Variants in ACVR1C observed in about 807,000 individuals in gnomAD.
ACVR1C encodes the protein activin A receptor type 1C.
Under a neutral mutation model 57.9 loss-of-function variants are expected in ACVR1C, and 23 were observed. That is an observed-to-expected ratio of 0.40 (90% CI 0.29 to 0.56). The LOEUF is 0.56. Ranked by LOEUF, ACVR1C falls within the 20% of genes least tolerant of loss-of-function variation. The probability of loss-of-function intolerance (pLI) is 0.50; values close to 1 mark genes in which losing one functional copy is unlikely to be tolerated. For missense variants in ACVR1C, 480 were observed against 607.9 expected, an observed-to-expected ratio of 0.79 and a Z score of 2.21; for synonymous variants, 214 against 215.3, an observed-to-expected ratio of 0.99 and a Z score of 0.05.
intron 1 of ACVR1C, among the ~76,000 whole-genome samples, chr2:157,592,257 T>C (rs1184390107): frequency 6.6e-6 from 1 of 152,106 alleles, no homozygotes; most frequent in African/African-American, 2.4e-5. Context: ...AATCTGATAC[T>C]TTCTCTTTGA....
chr2:157,588,331 T>C (rs568005513), intron 1 of ACVR1C, among the ~76,000 whole-genome samples: 56 of 152,076 alleles, frequency 3.7e-4, no homozygotes, highest in African/African-American at 1.3e-3. Flanking sequence ...TGTAAAACAT[T>C]CGTCAGCATG....
intron 4 of ACVR1C, among the ~76,000 whole-genome samples, chr2:157,548,758 CT>C (rs1376173244): frequency 3.3e-5 from 5 of 152,302 alleles, no homozygotes; most frequent in African/African-American, 1.2e-4. Context: ...CTCTGACTTG[CT>C]CCATGAAACT....
At chr2:157,588,387 ATT>A (rs1261373725) in intron 1 of ACVR1C, among the ~76,000 whole-genome samples, 1 of 151,958 alleles carries the variant, frequency 6.6e-6, no homozygotes, top group African/African-American at 2.4e-5. Flanking sequence ...ATTTAAATAT[ATT>A]GTTTCTAAAT....
At position 157,531,404 on chromosome 2, in the gene ACVR1C, T is replaced by C. The variant is rs1281942772; in HGVS notation, c.*2514A>G. On this transcript the variant is annotated 3_prime_UTR_variant, in exon 9 of 9. Transcript: ENST00000243349. ...ACAAGAAAAATACCTCAAAATGTAC[T>C]AACATACGGATTTCTTCAGAGTGAA... 1.3e-5 allele frequency: 2 copies of C among 152,012 alleles called. No individual in the cohort carries two copies. Among genetic ancestry groups the C allele is most frequent in the East Asian group, 3.8e-4 (2 of 5,196 alleles). The allele number at this position is 152,012 out of a possible 1,614,324, so 9.4% of individuals were successfully genotyped here.
rs142276639 is a variant in ACVR1C at position 157,628,458 on chromosome 2, G to T, written c.73+114C>A. ...CAATCCGACTGGCGCTTCCCTGTCC[G>T]CCCCGAAGGTCAGTTTGCTCGGAGC... On this transcript the variant is annotated intron_variant, in intron 1 of 8. Coordinates refer to ENST00000243349, the MANE Select transcript of ACVR1C (RefSeq NM_145259.3). 7.9e-4 allele frequency: 971 copies of T among 1,232,102 alleles called. 8 individuals are homozygous for T. In the African/African-American group the frequency reaches 0.013, roughly 17 times the overall value. The allele number at this position is 1,232,102 out of a possible 1,614,324, so 76.3% of individuals were successfully genotyped here.
At chr2:157,592,294 A>G (rs1381811390) in intron 1 of ACVR1C, among the ~76,000 whole-genome samples, 3 of 152,118 alleles carry the variant, frequency 2.0e-5, no homozygotes, top group Non-Finnish European at 4.4e-5. Context: ...TATAAAAATG[A>G]TTACATAATA....
rs371798439 is a variant in ACVR1C at position 157,576,778 on chromosome 2, C to G, written c.304+10409G>C. Among the ~76,000 whole-genome samples the G allele has an allele frequency of 1.7e-4, 25 of 150,614 alleles. No homozygotes were observed. The East Asian group carries it at 4.5e-3, about 27-fold the overall frequency. On this transcript the variant is annotated intron_variant, in intron 2 of 8. Coordinates refer to ENST00000243349, the MANE Select transcript of ACVR1C (RefSeq NM_145259.3). ...TTGGAAGAGTTTGTGTAAGAATTAC[C>G]TGTTCCTGGAAGTTTAGCACAATTT...
At chr2:157,539,755 C>G (rs1032076263) in intron 7 of ACVR1C, among the ~76,000 whole-genome samples, 2 of 152,150 alleles carry the variant, frequency 1.3e-5, no homozygotes, top group African/African-American at 4.8e-5. Context: ...TGTTCAGAGA[C>G]ATAGAGCTAG....
chr2:157,532,357 T>C lies in ACVR1C; in HGVS notation c.*1561A>G, dbSNP rs1354645398. 1 of 151,776 alleles carries C rather than the reference T, an allele frequency of 6.6e-6. No homozygotes were observed. The highest frequency in any genetic ancestry group is 6.6e-5 in the Admixed American group (1 of 15,228). 9.4% of individuals were successfully genotyped at this position (151,776 alleles called of 1,614,324 possible). Reference sequence around the variant, plus strand: ...AGTTTAAAAAAAAATCAAGTAGCATTTCTTTACTGTTATTAGTTTTTTTTT... The same window carrying C: ...AGTTTAAAAAAAAATCAAGTAGCATCTCTTTACTGTTATTAGTTTTTTTTT... On this transcript the variant is annotated 3_prime_UTR_variant, in exon 9 of 9. Coordinates refer to ENST00000243349, the MANE Select transcript of ACVR1C (RefSeq NM_145259.3).
At chr2:157,544,681 A>G in intron 4 of ACVR1C, 69 bp from the exon 5 acceptor site, 1 of 1,359,142 alleles carries the variant, frequency 7.4e-7, no homozygotes. Context: ...TTTTAAAAAT[A>G]TCAGTGTTTA....
intron 1 of ACVR1C, 105 bp downstream of exon 1, chr2:157,628,467 G>T (rs1559002143): frequency 1.5e-6 from 2 of 1,310,740 alleles, no homozygotes; most frequent in Admixed American, 2.0e-5. Context: ...CGCCCCGAAG[G>T]TCAGTTTGCT....
At chr2:157,554,446 C>T (rs562813177) in intron 3 of ACVR1C, among the ~76,000 whole-genome samples, 2 of 151,828 alleles carry the variant, frequency 1.3e-5, no homozygotes, top group East Asian at 3.9e-4. Flanking sequence ...AGGAAGGTGC[C>T]AGTCGTCTAG....
At chr2:157,591,667 C>T (rs2105260933) in intron 1 of ACVR1C, among the ~76,000 whole-genome samples, 1 of 152,170 alleles carries the variant, frequency 6.6e-6, no homozygotes, top group Middle Eastern at 3.4e-3. Context: ...TCCTTGGACG[C>T]TCTATTTCCA....
intron 2 of ACVR1C, among the ~76,000 whole-genome samples, chr2:157,585,039 A>C (rs1688882510): frequency 6.6e-6 from 1 of 152,148 alleles, no homozygotes; most frequent in Non-Finnish European, 1.5e-5. Flanking sequence ...AGGAAAAATA[A>C]ATCCCATCTA....
intron 5 of ACVR1C, among the ~76,000 whole-genome samples, chr2:157,543,514 T>G (rs1687669323): frequency 1.3e-5 from 2 of 152,250 alleles, no homozygotes; most frequent in Admixed American, 6.5e-5. Context: ...AATTGGTTAT[T>G]TTAAGCAAAT....
At chr2:157,554,873 G>T (rs528974887) in intron 3 of ACVR1C, among the ~76,000 whole-genome samples, 2 of 151,772 alleles carry the variant, frequency 1.3e-5, no homozygotes, top group South Asian at 2.1e-4. Context: ...ACTCTTGTTC[G>T]TATTTTCATA....
chr2:157,578,938 T>C (rs1450062090), intron 2 of ACVR1C, among the ~76,000 whole-genome samples: 1 of 152,112 alleles, frequency 6.6e-6, no homozygotes, highest in Non-Finnish European at 1.5e-5. Context: ...TTAAATTGAG[T>C]TTAATTGAAT....
intron 2 of ACVR1C, among the ~76,000 whole-genome samples, chr2:157,582,300 T>A (rs181634192): frequency 1.4e-3 from 217 of 151,876 alleles, no homozygotes; most frequent in African/African-American, 3.6e-3. Flanking sequence ...CCTTAAAAAA[T>A]TTTTTTTTAA....
At chr2:157,566,767 G>A (rs936405180) in intron 2 of ACVR1C, among the ~76,000 whole-genome samples, 3 of 151,690 alleles carry the variant, frequency 2.0e-5, no homozygotes, top group Admixed American at 6.6e-5. Context: ...ACTGCAAGGC[G>A]GCAACGAGGC....
Sources: allele counts gnomAD v4.1 joint callset (sites outside exome capture counted in the v4.1 genomes callset), GRCh38; gene constraint gnomAD v4.1.1; transcripts MANE v1.5; gene names NCBI Gene and HGNC (gene_info 2026-07-23, HGNC 2026-07-21).